The following PPP2R2B variants were observed in gnomAD, a reference collection of about 807,000 sequenced individuals.
PPP2R2B encodes the protein serine/threonine-protein phosphatase 2A 55 kDa regulatory subunit B beta isoform.
In PPP2R2B, 5 loss-of-function variants were observed where a neutral mutation model predicts 46.0. The ratio of observed to expected loss-of-function variants is 0.11; its 90% CI spans 0.06 to 0.23. The LOEUF is 0.23. PPP2R2B is among the 10% of genes least tolerant of loss of function. The probability of loss-of-function intolerance (pLI) is 1.00; values close to 1 mark genes in which losing one functional copy is unlikely to be tolerated. For missense variants in PPP2R2B, 367 were observed against 575.0 expected, an observed-to-expected ratio of 0.64 and a Z score of 3.70; for synonymous variants, 215 against 206.7, an observed-to-expected ratio of 1.04 and a Z score of -0.34.
At chr5:146,701,845 C>G (rs1319038465) in intron 2 of PPP2R2B, among the ~76,000 whole-genome samples, 2 of 152,132 alleles carry the variant, frequency 1.3e-5, no homozygotes, top group African/African-American at 4.8e-5. Context: ...AATGCACAGG[C>G]ACCAGGAACT....
At chr5:146,842,486 T>TTA (rs1379528798) in intron 2 of PPP2R2B, among the ~76,000 whole-genome samples, 24 of 147,770 alleles carry the variant, frequency 1.6e-4, no homozygotes, top group African/African-American at 4.9e-4. Context: ...ATGCCCTTTT[T>TTA]TTTTTTTTTT....
At chr5:147,073,881 C>T (rs1757678316) in intron 2 of PPP2R2B, among the ~76,000 whole-genome samples, 1 of 151,766 alleles carries the variant, frequency 6.6e-6, no homozygotes, top group Non-Finnish European at 1.5e-5. Context: ...ACTAAAAATA[C>T]AAAAAGTAGC....
intron 1 of PPP2R2B, among the ~76,000 whole-genome samples, chr5:147,001,238 T>C (rs759635994): frequency 6.6e-6 from 1 of 152,206 alleles, no homozygotes; most frequent in Non-Finnish European, 1.5e-5. Context: ...CCTTCCACGC[T>C]GTGGAAGTTT....
rs558518135 is a variant in PPP2R2B, at chr5:146,731,767, T to C, written c.71-30625A>G. 9.8e-5 allele frequency among the ~76,000 whole-genome samples: 15 copies of C among 152,298 alleles called. No homozygotes were observed. In the South Asian group the frequency reaches 3.1e-3, roughly 32 times the overall value. ...AGCACACTGCCTGACATCTGATAAA[T>C]CCTCAATAAGTTTTAGGAAAACAAC... On this transcript the variant is annotated intron_variant, in intron 2 of 9. Transcript: ENST00000394411.
chr5:146,721,368 T>C (rs1018061170), intron 2 of PPP2R2B, among the ~76,000 whole-genome samples: 2 of 152,220 alleles, frequency 1.3e-5, no homozygotes, highest in Non-Finnish European at 2.9e-5. Context: ...TGCAAAAGTC[T>C]TTCAAACATC....
At chr5:147,000,512 A>G (rs547981052) in intron 1 of PPP2R2B, among the ~76,000 whole-genome samples, 1 of 152,202 alleles carries the variant, frequency 6.6e-6, no homozygotes, top group South Asian at 2.1e-4. Flanking sequence ...CTTATCCATG[A>G]AGTCAAGATA....
chr5:146,817,126 C>T lies in PPP2R2B; in HGVS notation c.70+60876G>A, dbSNP rs559428947. Among the ~76,000 whole-genome samples, 97 of 152,308 alleles carry T rather than the reference C, an allele frequency of 6.4e-4. 1 individual carries two copies. The highest frequency in any genetic ancestry group is 2.3e-3 in the African/African-American group (97 of 41,580). On this transcript the variant is annotated intron_variant, in intron 2 of 9. Coordinates refer to ENST00000394411, the MANE Select transcript of PPP2R2B (RefSeq NM_181675.4). Reference sequence around the variant, plus strand: ...AAAGATACTGGCATTGATCCCCACACAATTCATGTTGCTACATTTGGCCCA... The same window carrying T: ...AAAGATACTGGCATTGATCCCCACATAATTCATGTTGCTACATTTGGCCCA...
At chr5:146,765,402 A>C (rs1396434688) in intron 2 of PPP2R2B, among the ~76,000 whole-genome samples, 2 of 152,206 alleles carry the variant, frequency 1.3e-5, no homozygotes, top group African/African-American at 2.4e-5. Context: ...AGGAAAATCT[A>C]TCTCTTTTTC....
At chr5:146,664,405 C>T (rs769558093) in intron 5 of PPP2R2B, among the ~76,000 whole-genome samples, 4 of 152,110 alleles carry the variant, frequency 2.6e-5, no homozygotes, top group Non-Finnish European at 4.4e-5. Context: ...GTAGATCCCA[C>T]CTCAATAAAC....
intron 1 of PPP2R2B, among the ~76,000 whole-genome samples, chr5:147,008,676 C>T (rs1415323284): frequency 1.3e-5 from 2 of 152,154 alleles, no homozygotes; most frequent in Admixed American, 6.5e-5. Flanking sequence ...ACCCCACCCC[C>T]CACTCCTATG....
At chr5:146,758,123 C>A (rs894202590) in intron 2 of PPP2R2B, among the ~76,000 whole-genome samples, 1 of 152,176 alleles carries the variant, frequency 6.6e-6, no homozygotes. Context: ...CAGGCCACCC[C>A]TTCCTCTCAA....
chr5:146,974,086 T>TA lies in PPP2R2B; in HGVS notation c.79+81578dup, dbSNP rs1474866910. Among the ~76,000 whole-genome samples the TA allele has an allele frequency of 1.2e-4, 18 of 152,268 alleles. 1 individual carries two copies. Among genetic ancestry groups the TA allele is most frequent in the African/African-American group, 4.1e-4 (17 of 41,544 alleles). On this transcript the variant is annotated intron_variant, in intron 1 of 8. Coordinates refer to the PPP2R2B transcript ENST00000336640. The stretch of plus-strand genomic sequence containing the variant: ...CTAAGTAGATTAAGTTAGAAAAGAG[T>TA]AAACTCTTGTAGATCTATTTGGAAT...
intron 2 of PPP2R2B, among the ~76,000 whole-genome samples, chr5:146,811,002 C>A (rs1189176485): frequency 6.6e-6 from 1 of 151,304 alleles, no homozygotes; most frequent in Non-Finnish European, 1.5e-5. Flanking sequence ...TGATAGTTTG[C>A]CGAGAATGAT....
chr5:146,691,021 C>A, intron 5 of PPP2R2B, 107 bp downstream of exon 5: 1 of 873,236 alleles, frequency 1.1e-6, no homozygotes, highest in Non-Finnish European at 1.8e-6. Context: ...TGCCTACGTT[C>A]CCTCACTGGC....
At chr5:146,846,214 A>G (rs1759998112) in intron 2 of PPP2R2B, among the ~76,000 whole-genome samples, 1 of 151,572 alleles carries the variant, frequency 6.6e-6, no homozygotes, top group South Asian at 2.1e-4. Context: ...ACCCGTCTCT[A>G]CAAGAAATAC....
chr5:146,832,377 A>ATATTTTT (rs1443028400), intron 2 of PPP2R2B, among the ~76,000 whole-genome samples: 2 of 104,296 alleles, frequency 1.9e-5, no homozygotes, highest in Admixed American at 1.1e-4. Flanking sequence ...GCCATTTTTA[A>ATATTTTT]TCTTTTTTTT....
At chr5:147,061,021 C>T (rs1159656237) in intron 2 of PPP2R2B, among the ~76,000 whole-genome samples, 5 of 152,148 alleles carry the variant, frequency 3.3e-5, no homozygotes, top group Non-Finnish European at 7.4e-5. Context: ...AAATTCACAA[C>T]TTGTTAAATT....
At chr5:147,054,674 CA>C (rs1381538476) in intron 1 of PPP2R2B, 1 of 456,160 alleles carries the variant, frequency 2.2e-6, no homozygotes, top group Admixed American at 2.3e-5. Context: ...AGGATGAAAA[CA>C]AGAGTGGGTT....
rs145337450 is a variant in PPP2R2B, at chr5:147,080,771, C to T, written c.50+288G>A. Among the ~76,000 whole-genome samples the T allele has an allele frequency of 1.9e-3, 282 of 152,218 alleles. 2 individuals carry two copies. Among genetic ancestry groups the T allele is most frequent in the African/African-American group, 6.3e-3 (263 of 41,534 alleles). On this transcript the variant is annotated intron_variant, in intron 2 of 10. Transcript: ENST00000394413. Reference sequence around the variant, plus strand: ...AATGTCTGGACTCAGAATTCTACAGCGCTGACAGATCATCCTGAAACAAGG... The same window carrying T: ...AATGTCTGGACTCAGAATTCTACAGTGCTGACAGATCATCCTGAAACAAGG...
Sources: allele counts gnomAD v4.1 joint callset (sites outside exome capture counted in the v4.1 genomes callset), GRCh38; gene constraint gnomAD v4.1.1; transcripts MANE v1.5; gene names NCBI Gene and HGNC (gene_info 2026-07-23, HGNC 2026-07-21).